The following PDZRN4 variants were observed in gnomAD, a reference collection of about 807,000 sequenced individuals.
PDZRN4 encodes the protein PDZ domain-containing RING finger protein 4.
PDZRN4 carries 70 observed loss-of-function variants against 99.0 expected under a neutral mutation model. That is an observed-to-expected ratio of 0.71 (90% CI 0.58 to 0.86). PDZRN4 has a LOEUF of 0.86. Among genes scored for constraint, PDZRN4 ranks in the 40% least tolerant of loss-of-function variants. The pLI, the probability that PDZRN4 is intolerant of heterozygous loss-of-function variation, is 0.00. For synonymous variants in PDZRN4, 551 were observed against 501.6 expected, an observed-to-expected ratio of 1.10 and a Z score of -1.32; for missense variants, 1,474 against 1,331.2, an observed-to-expected ratio of 1.11 and a Z score of -1.67.
At chr12:41,239,281 T>G (rs940412534) in intron 3 of PDZRN4, among the ~76,000 whole-genome samples, 4 of 151,994 alleles carry the variant, frequency 2.6e-5, no homozygotes, top group African/African-American at 9.7e-5. Flanking sequence ...CATGGACACA[T>G]GCGGGCTGAA....
chr12:41,234,034 C>T (rs907012227), intron 3 of PDZRN4, among the ~76,000 whole-genome samples: 3 of 151,850 alleles, frequency 2.0e-5, no homozygotes, highest in African/African-American at 7.3e-5. Context: ...AATATTGGCC[C>T]TTTGAGGAAT....
chr12:41,331,317 C>A (rs1384208628), intron 3 of PDZRN4, among the ~76,000 whole-genome samples: 1 of 151,992 alleles, frequency 6.6e-6, no homozygotes, highest in East Asian at 1.9e-4. Flanking sequence ...GTTTATCTGA[C>A]CATTTACAGA....
At chr12:41,416,612 G>A (rs1311848639) in intron 3 of PDZRN4, among the ~76,000 whole-genome samples, 3 of 152,082 alleles carry the variant, frequency 2.0e-5, no homozygotes, top group East Asian at 3.9e-4. Flanking sequence ...AGCAGAGATC[G>A]CACCAATGCA....
chr12:41,370,481 T>C (rs1159816193), intron 3 of PDZRN4, among the ~76,000 whole-genome samples: 1 of 152,050 alleles, frequency 6.6e-6, no homozygotes, highest in Admixed American at 6.6e-5. Flanking sequence ...CTTTTCTCTC[T>C]GTTGCTTAAG....
At chr12:41,475,981 A>G (rs192828048) in intron 3 of PDZRN4, among the ~76,000 whole-genome samples, 74 of 152,256 alleles carry the variant, frequency 4.9e-4, no homozygotes, top group African/African-American at 1.7e-3. Context: ...TGTCTCCAAC[A>G]TCCAAAAATC....
intron 3 of PDZRN4, among the ~76,000 whole-genome samples, chr12:41,402,864 A>C (rs1338351043): frequency 6.6e-6 from 1 of 151,770 alleles, no homozygotes; most frequent in East Asian, 1.9e-4. Flanking sequence ...ATTTGTCCAC[A>C]CAGCACCTGG....
chr12:41,438,903 C>T (rs1478305603), intron 3 of PDZRN4, among the ~76,000 whole-genome samples: 1 of 152,170 alleles, frequency 6.6e-6, no homozygotes, highest in African/African-American at 2.4e-5. Flanking sequence ...CACAGTGCTA[C>T]ATTTGTTCTT....
At chr12:41,397,123 G>A (rs957117842) in intron 3 of PDZRN4, among the ~76,000 whole-genome samples, 3 of 152,080 alleles carry the variant, frequency 2.0e-5, no homozygotes, top group Non-Finnish European at 4.4e-5. Context: ...AGCAATAAAT[G>A]CTTAATTGTT....
chr12:41,533,314 A>C (rs1450354114), intron 5 of PDZRN4, among the ~76,000 whole-genome samples: 1 of 151,814 alleles, frequency 6.6e-6, no homozygotes, highest in Non-Finnish European at 1.5e-5. Flanking sequence ...AGCTGGGATT[A>C]CAGGCGAGTG....
At position 41,494,724 on chromosome 12, in the gene PDZRN4, T is replaced by A. The variant is rs539627319; in HGVS notation, c.844-11732T>A. On this transcript the variant is annotated intron_variant, in intron 3 of 9. Transcript: ENST00000402685. ...GGGCACAAGTTCAGGTGGTTTTACT[T>A]GCAGATGTAGAAGCTTGTGAATTTC... Among the ~76,000 whole-genome samples, 7 of 152,290 alleles carry A rather than the reference T, an allele frequency of 4.6e-5. No individual in the cohort carries two copies. The South Asian group carries it at 1.5e-3, about 32-fold the overall frequency.
intron 3 of PDZRN4, among the ~76,000 whole-genome samples, chr12:41,335,809 C>T (rs10785237): frequency 0.38 from 58,416 of 151,784 alleles, 11,309 homozygotes; most frequent in African/African-American, 0.41. Context: ...TCTTGATTTC[C>T]TAAGAAAATC....
intron 3 of PDZRN4, among the ~76,000 whole-genome samples, chr12:41,499,950 A>T (rs1938081756): frequency 6.6e-6 from 1 of 152,030 alleles, no homozygotes; most frequent in Non-Finnish European, 1.5e-5. Context: ...GCATTCAATT[A>T]TCTTAGGTTG....
At chr12:41,376,623 A>C (rs1437270580) in intron 3 of PDZRN4, among the ~76,000 whole-genome samples, 1 of 152,056 alleles carries the variant, frequency 6.6e-6, no homozygotes, top group Non-Finnish European at 1.5e-5. Flanking sequence ...ATATAGTTTT[A>C]TTTTAACCAT....
At chr12:41,451,320 AT>A (rs1952772212) in intron 3 of PDZRN4, among the ~76,000 whole-genome samples, 1 of 152,224 alleles carries the variant, frequency 6.6e-6, no homozygotes, top group South Asian at 2.1e-4. Context: ...TTACCAATTT[AT>A]TTGTATGATG....
chr12:41,456,868 A>G (rs1321526865), intron 3 of PDZRN4, among the ~76,000 whole-genome samples: 1 of 152,198 alleles, frequency 6.6e-6, no homozygotes, highest in East Asian at 1.9e-4. Flanking sequence ...GAGAAATTTT[A>G]AAGAAAGGGC....
chr12:41,377,588 C>T (rs1360857604), intron 3 of PDZRN4, among the ~76,000 whole-genome samples: 2 of 151,938 alleles, frequency 1.3e-5, no homozygotes, highest in Admixed American at 1.3e-4. Context: ...GGTGTGAACC[C>T]AGGAGGCGGA....
At chr12:41,419,126 C>A (rs1035919480) in intron 3 of PDZRN4, among the ~76,000 whole-genome samples, 1 of 152,082 alleles carries the variant, frequency 6.6e-6, no homozygotes, top group Non-Finnish European at 1.5e-5. Flanking sequence ...GTATTAGGAG[C>A]CTTTCTTTTC....
At chr12:41,482,683 T>A in intron 3 of PDZRN4, among the ~76,000 whole-genome samples, 1 of 152,180 alleles carries the variant, frequency 6.6e-6, no homozygotes, top group Admixed American at 6.6e-5. Flanking sequence ...GTCCGTTTTA[T>A]AAGGCTAAGA....
chr12:41,493,966 T>C (rs1937943336), intron 3 of PDZRN4, among the ~76,000 whole-genome samples: 1 of 152,108 alleles, frequency 6.6e-6, no homozygotes, highest in Admixed American at 6.6e-5. Context: ...TTCATGCATA[T>C]GCATACATTA....
Sources: gnomAD v4.1 joint callset for allele counts (sites outside exome capture counted in the v4.1 genomes callset) on GRCh38, gnomAD v4.1.1 for gene constraint, MANE v1.5 for transcripts, NCBI Gene and HGNC (gene_info 2026-07-23, HGNC 2026-07-21) for gene names.